The following ZFYVE16 variants were observed in gnomAD, a reference collection of about 807,000 sequenced individuals.
ZFYVE16 encodes zinc finger FYVE-type containing 16, also known as zinc finger FYVE domain-containing protein 16.
Under a neutral mutation model 138.1 loss-of-function variants are expected in ZFYVE16, and 89 were observed. The ratio of observed to expected loss-of-function variants is 0.64; its 90% CI spans 0.54 to 0.77. The LOEUF (loss-of-function observed/expected upper bound fraction) is 0.77. Ranked by LOEUF, ZFYVE16 falls within the 30% of genes least tolerant of loss-of-function variation. The pLI is 0.00. For missense variants in ZFYVE16, 1,793 were observed against 1,786.7 expected (o/e 1.00, Z -0.06); for synonymous variants, 596 against 618.3 (o/e 0.96, Z 0.53).
At chr5:80,426,246 G>A (rs1347019251) in intron 1 of ZFYVE16, among the ~76,000 whole-genome samples, 3 of 59,102 alleles carry the variant, frequency 5.1e-5, no homozygotes, top group Non-Finnish European at 1.2e-4. Flanking sequence ...GTGTGTCTGT[G>A]TGTGTGTGTG....
chr5:80,437,275 A>G lies in ZFYVE16; in HGVS notation c.590A>G (p.Gln197Arg), dbSNP rs763726262. The change falls in exon 4 of 19, where the codon CAA (glutamine) becomes CGA (arginine). Residue 197 changes from glutamine (Q) to arginine (R), a missense_variant. Gln to Arg is a conservative substitution (Grantham distance 43). This residue lies in a region of ZFYVE16 where 1,295 missense variants were observed against 1,204.3 expected (regional missense o/e 1.08). Transcript: ENST00000505560. ...CAGAATGATATCAGTTCTGAATTAC[A>G]AAATAGAGAAATCGGAGGAATCAAA... ...EQQNDISSEL[Q>R]NREIGGIKEL... The G allele has an allele frequency of 6.8e-6, 11 of 1,610,810 alleles. No homozygotes were observed. The highest frequency in any genetic ancestry group is 9.3e-6 in the Non-Finnish European group (11 of 1,178,324).
intron 14 of ZFYVE16, among the ~76,000 whole-genome samples, chr5:80,459,088 T>C (rs1328995344): frequency 6.6e-6 from 1 of 152,094 alleles, no homozygotes; most frequent in Non-Finnish European, 1.5e-5. Context: ...CCACCACACC[T>C]GGCTAATTTT....
chr5:80,431,922 A>G (rs1353173790), intron 2 of ZFYVE16, among the ~76,000 whole-genome samples: 4 of 152,214 alleles, frequency 2.6e-5, no homozygotes, highest in Non-Finnish European at 2.9e-5. Flanking sequence ...CCACTGCTCA[A>G]TGAAATAAAA....
chr5:80,448,047 T>G lies in ZFYVE16; in HGVS notation c.2746T>G (p.Ser916Ala). ...VPMTVNTVDHSHSTTVEKPNN... is the reference protein window; with the variant it reads ...VPMTVNTVDHAHSTTVEKPNN... ...ACAGACAGTAAACACAGTGGATCAT[T>G]CCCATTCTACTACAGTGGAAAAGCC... is the stretch of plus-strand genomic sequence containing the variant. The change falls in exon 8 of 19, where the codon TCC becomes GCC. Residue 916 changes from serine (S) to alanine (A), a missense_variant. Around this residue, in one of 2 missense-constraint regions of ZFYVE16, gnomAD observed 1,295 missense variants for 1,204.3 expected, o/e 1.08. Coordinates refer to ENST00000505560, the MANE Select transcript of ZFYVE16 (RefSeq NM_001284236.3). The G allele has an allele frequency of 6.2e-7, 1 of 1,608,272 alleles. No homozygotes were observed. Among genetic ancestry groups the G allele is most frequent in the Middle Eastern group, 1.7e-4 (1 of 6,008 alleles).
At chr5:80,445,453 C>A in intron 7 of ZFYVE16, 48 bp downstream of exon 7, 2 of 1,517,732 alleles carry the variant, frequency 1.3e-6, no homozygotes, top group East Asian at 2.3e-5. Context: ...AATTTTATTT[C>A]GTAGATAATT....
intron 8 of ZFYVE16, among the ~76,000 whole-genome samples, chr5:80,448,833 C>T (rs1427050265): frequency 6.6e-6 from 1 of 151,970 alleles, no homozygotes; most frequent in Non-Finnish European, 1.5e-5. Flanking sequence ...TCTCCTTGGG[C>T]CCCAGTTTCC....
At chr5:80,428,652 T>A (rs983283345) in intron 2 of ZFYVE16, among the ~76,000 whole-genome samples, 2 of 152,176 alleles carry the variant, frequency 1.3e-5, no homozygotes, top group African/African-American at 4.8e-5. Flanking sequence ...ACGACCAAAC[T>A]TCTCCGAACT....
rs776772694 is a variant in ZFYVE16, at chr5:80,481,954, T to C, written c.*4577T>C. ...CCTGTCTCAGCCTCCTGAGTAGCTG[T>C]GACTACAGGTGTGTACCACCACGCC... On this transcript the variant is annotated 3_prime_UTR_variant, in exon 19 of 19. Transcript: ENST00000505560. 6.6e-5 allele frequency among the ~76,000 whole-genome samples: 10 copies of C among 152,152 alleles called. No homozygotes were observed. The highest frequency in any genetic ancestry group is 1.0e-4 in the Non-Finnish European group (7 of 68,028).
At chr5:80,440,275 GT>G in intron 5 of ZFYVE16, 1 of 1,130,888 alleles carries the variant, frequency 8.8e-7, no homozygotes, top group Non-Finnish European at 1.1e-6. Context: ...CTTTTAACAG[GT>G]ACCAAGTCCC....
At chr5:80,410,047 G>A (rs1470466877) in intron 1 of ZFYVE16, 1 of 151,838 alleles carries the variant, frequency 6.6e-6, no homozygotes, top group East Asian at 1.9e-4. Context: ...TTGGTGTTTA[G>A]ATTGTTTCAA....
rs375321245 is a variant in ZFYVE16 at position 80,438,808 on chromosome 5, T to A, written c.2123T>A (p.Ile708Lys). The A allele has an allele frequency of 6.8e-6, 11 of 1,613,960 alleles. No individual in the cohort carries two copies. The highest frequency in any genetic ancestry group is 8.5e-6 in the Non-Finnish European group (10 of 1,179,968). ...QVSFNSNYIDIESNSEGGSSF... is the reference protein window; with the variant it reads ...QVSFNSNYIDKESNSEGGSSF... ...AGCTTCAACTCTAATTACATTGATA[T>A]AGAAAGTAATTCTGAAGGTGGATCT... The change falls in exon 4 of 19, where the codon ATA (isoleucine) becomes AAA (lysine). Residue 708 changes from isoleucine to lysine, a missense_variant. This residue lies in a region of ZFYVE16 where 1,295 missense variants were observed against 1,204.3 expected (regional missense o/e 1.08). Coordinates refer to ENST00000505560, the MANE Select transcript of ZFYVE16 (RefSeq NM_001284236.3).
At chr5:80,414,399 T>C (rs1745904639) in intron 1 of ZFYVE16, among the ~76,000 whole-genome samples, 1 of 152,194 alleles carries the variant, frequency 6.6e-6, no homozygotes, top group African/African-American at 2.4e-5. Context: ...CCTCTTTTTC[T>C]TGGATTTCAG....
In ZFYVE16 at chr5:80,448,186, C is replaced by G. The variant is rs976981801; in HGVS notation, c.2885C>G (p.Ser962Cys). The G allele has an allele frequency of 1.2e-6, 2 of 1,613,934 alleles. No individual in the cohort carries two copies. The highest frequency in any genetic ancestry group is 1.7e-6 in the Non-Finnish European group (2 of 1,179,930). Residue 962 changes from serine (S) to cysteine (C), a missense_variant, in exon 8 of 19, where the codon TCT becomes TGT. Physicochemically the swap from Ser to Cys is moderately radical, Grantham distance 112 (BLOSUM62 -1). Coordinates refer to ENST00000505560, the MANE Select transcript of ZFYVE16 (RefSeq NM_001284236.3). ...ACAGGAAATGAGGGGTTACCTACTT[C>G]TGGTTCATTTACACTAGATGATGAT... ...MNTGNEGLPT[S>C]GSFTLDDDVF...
intron 14 of ZFYVE16, among the ~76,000 whole-genome samples, chr5:80,457,381 T>C (rs1270494655): frequency 6.6e-6 from 1 of 152,212 alleles, no homozygotes; most frequent in Non-Finnish European, 1.5e-5. Context: ...CTTTCTGAAA[T>C]AAGGTATTTC....
chr5:80,419,121 A>G (rs1461864469), intron 1 of ZFYVE16, among the ~76,000 whole-genome samples: 1 of 145,336 alleles, frequency 6.9e-6, no homozygotes, highest in Admixed American at 7.1e-5. Flanking sequence ...TCTGTTGCCC[A>G]GGCTACAGTG....
intron 17 of ZFYVE16, 118 bp downstream of exon 17, chr5:80,473,977 A>G: frequency 1.5e-6 from 1 of 682,968 alleles, no homozygotes; most frequent in East Asian, 2.9e-5. Context: ...TTTTTATGCT[A>G]CACTTTGAGA....
At chr5:80,468,758 G>A (rs1753987347) in intron 15 of ZFYVE16, among the ~76,000 whole-genome samples, 1 of 151,974 alleles carries the variant, frequency 6.6e-6, no homozygotes, top group Non-Finnish European at 1.5e-5. Flanking sequence ...ATTTATCTCT[G>A]CATTTTAAAA....
intron 15 of ZFYVE16, among the ~76,000 whole-genome samples, chr5:80,468,538 A>C (rs1301622365): frequency 6.6e-6 from 1 of 152,224 alleles, no homozygotes; most frequent in Non-Finnish European, 1.5e-5. Flanking sequence ...ACAGTAAAAA[A>C]TACTGTACTA....
chr5:80,455,552 ATC>A, intron 11 of ZFYVE16, 138 bp from the exon 12 acceptor site: 1 of 710,696 alleles, frequency 1.4e-6, no homozygotes, highest in South Asian at 1.8e-5. Flanking sequence ...AAAAAAAATT[ATC>A]TCTCACTTTC....
Sources: allele counts gnomAD v4.1 joint callset (sites outside exome capture counted in the v4.1 genomes callset), GRCh38; gene constraint gnomAD v4.1.1; regional missense constraint gnomAD v4.1.1; transcripts MANE v1.5; gene names NCBI Gene and HGNC (gene_info 2026-07-23, HGNC 2026-07-21).